The following ADTRP variants were observed in gnomAD, a reference collection of about 807,000 sequenced individuals.
The protein encoded by ADTRP is androgen dependent TFPI regulating protein.
ADTRP carries 20 observed loss-of-function variants against 27.0 expected under a neutral mutation model. The ratio of observed to expected loss-of-function variants is 0.74; its 90% CI spans 0.52 to 1.08. ADTRP has a LOEUF of 1.08. Ranked by LOEUF, ADTRP falls within the 50% of genes least tolerant of loss-of-function variation. ADTRP has a pLI of 0.00. For missense variants in ADTRP, 251 were observed against 275.0 expected (o/e 0.91, Z 0.62); for synonymous variants, 101 against 105.2 (o/e 0.96, Z 0.25).
intron 5 of ADTRP, among the ~76,000 whole-genome samples, chr6:11,721,081 A>C (rs1762010482): frequency 6.6e-6 from 1 of 152,202 alleles, no homozygotes; most frequent in Non-Finnish European, 1.5e-5. Context: ...AGTCATGATA[A>C]AATGGTAAGT....
intron 5 of ADTRP, among the ~76,000 whole-genome samples, chr6:11,715,994 A>G (rs1185042991): frequency 1.3e-5 from 2 of 151,714 alleles, no homozygotes; most frequent in African/African-American, 4.8e-5. Flanking sequence ...TTTTGATGTG[A>G]ATTCTCTCCT....
chr6:11,753,805 G>A (rs1763126582), intron 3 of ADTRP, among the ~76,000 whole-genome samples: 3 of 152,138 alleles, frequency 2.0e-5, no homozygotes, highest in Admixed American at 2.0e-4. Context: ...ATCTCTTAGA[G>A]TCACATGTCC....
At chr6:11,769,165 T>C (rs1763676337) in intron 1 of ADTRP, among the ~76,000 whole-genome samples, 1 of 152,184 alleles carries the variant, frequency 6.6e-6, no homozygotes, top group African/African-American at 2.4e-5. Context: ...ATTTAAGAAC[T>C]GGTAGGTCAT....
intron 1 of ADTRP, 66 bp downstream of exon 1, chr6:11,778,541 A>AT: frequency 6.7e-7 from 1 of 1,500,836 alleles, no homozygotes; most frequent in African/African-American, 1.4e-5. Flanking sequence ...TCCAAAGATG[A>AT]TATGTGTGGC....
intron 3 of ADTRP, among the ~76,000 whole-genome samples, chr6:11,764,475 G>T (rs1371281021): frequency 2.6e-5 from 4 of 151,908 alleles, no homozygotes; most frequent in African/African-American, 4.8e-5. Flanking sequence ...GTAACAGCTA[G>T]CTCAGCCAGT....
chr6:11,765,480 A>G (rs1319110837), intron 3 of ADTRP, among the ~76,000 whole-genome samples: 2 of 151,780 alleles, frequency 1.3e-5, no homozygotes, highest in Non-Finnish European at 2.9e-5. Flanking sequence ...GGAGCGTGCC[A>G]CCACACCCGG....
chr6:11,778,746 G>T lies in ADTRP; in HGVS notation c.14C>A (p.Ser5Tyr). MTKT[S>Y]TCIYHFLVLS... The stretch of plus-strand genomic sequence containing the variant: ...AACAAGGAAGTGGTATATGCATGTA[G>T]AAGTCTTCGTCATGGCGAGTGCTGA... The change falls in exon 1 of 6, where the codon TCT becomes TAT. Residue 5 changes from serine to tyrosine, a missense_variant. By Grantham distance (144) the Ser-to-Tyr change is moderately radical (BLOSUM62 -2). Coordinates refer to ENST00000414691, the MANE Select transcript of ADTRP (RefSeq NM_032744.4). The T allele has an allele frequency of 1.9e-6, 3 of 1,614,110 alleles. No individual in the cohort carries two copies. In the South Asian group the frequency reaches 3.3e-5, roughly 18 times the overall value.
At chr6:11,759,225 G>A (rs1477781844) in intron 3 of ADTRP, among the ~76,000 whole-genome samples, 1 of 152,200 alleles carries the variant, frequency 6.6e-6, no homozygotes, top group Non-Finnish European at 1.5e-5. Context: ...GGGCAGAGAG[G>A]GGAAGTGGAA....
chr6:11,742,696 GGTCTAGTTTCCA>G (rs1449552644), intron 3 of ADTRP, among the ~76,000 whole-genome samples: 1 of 152,154 alleles, frequency 6.6e-6, no homozygotes, highest in Non-Finnish European at 1.5e-5. Context: ...ACAGTTCAGA[GGTCTAGTTTCCA>G]TAAACTGATA....
intron 1 of ADTRP, among the ~76,000 whole-genome samples, chr6:11,775,071 C>G (rs1236624893): frequency 1.3e-5 from 2 of 152,130 alleles, no homozygotes. Context: ...AGCAGTGGCT[C>G]GACAGTGGTC....
At chr6:11,729,348 C>T (rs1486184400) in intron 4 of ADTRP, among the ~76,000 whole-genome samples, 10 of 152,104 alleles carry the variant, frequency 6.6e-5, no homozygotes, top group South Asian at 2.1e-4. Flanking sequence ...AACCTCATCA[C>T]GGCATTTAGA....
intron 5 of ADTRP, among the ~76,000 whole-genome samples, chr6:11,716,214 A>G (rs547886884): frequency 6.6e-6 from 1 of 152,256 alleles, no homozygotes; most frequent in South Asian, 2.1e-4. Flanking sequence ...TCTTTTATCC[A>G]TGTTGTTTAC....
chr6:11,738,381 C>T (rs1369203626), intron 3 of ADTRP, among the ~76,000 whole-genome samples: 2 of 152,186 alleles, frequency 1.3e-5, no homozygotes, highest in Admixed American at 6.5e-5. Flanking sequence ...GCTCAGTGAC[C>T]AACAGGGATG....
intron 3 of ADTRP, among the ~76,000 whole-genome samples, chr6:11,755,648 T>C (rs1485434825): frequency 6.6e-6 from 1 of 152,270 alleles, no homozygotes; most frequent in Non-Finnish European, 1.5e-5. Context: ...TTTAAGGCAC[T>C]CAGTGTCTCA....
chr6:11,763,522 A>T (rs1351557325), intron 3 of ADTRP, among the ~76,000 whole-genome samples: 1 of 152,200 alleles, frequency 6.6e-6, no homozygotes, highest in Non-Finnish European at 1.5e-5. Flanking sequence ...GGCCAGCCCC[A>T]TGCAGAGGCA....
rs376734667 is a variant in ADTRP, at chr6:11,745,971, A to G, written c.391-10288T>C. Among the ~76,000 whole-genome samples the G allele has an allele frequency of 3.3e-5, 5 of 152,136 alleles. No homozygotes were observed. The East Asian group carries it at 5.8e-4, about 18-fold the overall frequency. ...GCACCTGGCTAATTCTTGTATTTTT[A>G]GTAGAGATGGGGTTTCACCATGTTG... On this transcript the variant is annotated intron_variant, in intron 3 of 5. Coordinates refer to ENST00000414691, the MANE Select transcript of ADTRP (RefSeq NM_032744.4).
At chr6:11,744,741 T>A (rs1436774817) in intron 3 of ADTRP, among the ~76,000 whole-genome samples, 1 of 152,190 alleles carries the variant, frequency 6.6e-6, no homozygotes, top group African/African-American at 2.4e-5. Flanking sequence ...GATGGGCAGC[T>A]CTCTGGAAAG....
intron 3 of ADTRP, among the ~76,000 whole-genome samples, chr6:11,752,697 C>T (rs1763096252): frequency 6.6e-6 from 1 of 152,188 alleles, no homozygotes; most frequent in African/African-American, 2.4e-5. Context: ...CTCATGTCTG[C>T]AATCTTCCCA....
intron 3 of ADTRP, among the ~76,000 whole-genome samples, chr6:11,747,008 T>C (rs1354512813): frequency 6.6e-6 from 1 of 152,142 alleles, no homozygotes; most frequent in Non-Finnish European, 1.5e-5. Context: ...TTAACAAGTT[T>C]GTAAGTGTAA....
Sources: allele counts gnomAD v4.1 joint callset (sites outside exome capture counted in the v4.1 genomes callset), GRCh38; gene constraint gnomAD v4.1.1; transcripts MANE v1.5; gene names NCBI Gene and HGNC (gene_info 2026-07-23, HGNC 2026-07-21).